Variants in ME3 observed in about 807,000 individuals in gnomAD.
ME3 encodes NADP-dependent malic enzyme, mitochondrial.
In ME3, 48 loss-of-function variants were observed where a neutral mutation model predicts 68.9. The ratio of observed to expected loss-of-function variants is 0.70; its 90% confidence interval spans 0.55 to 0.89. ME3 has a LOEUF of 0.89. Ranked by LOEUF, ME3 falls within the 40% of genes least tolerant of loss-of-function variation. ME3 has a pLI of 0.00. For synonymous variants in ME3, 320 were observed against 318.8 expected (o/e 1.00, Z -0.04); for missense variants, 675 against 797.4 (o/e 0.85, Z 1.85).
intron 4 of ME3, among the ~76,000 whole-genome samples, chr11:86,521,619 A>G (rs915408821): frequency 4.6e-5 from 7 of 152,158 alleles, no homozygotes; most frequent in African/African-American, 1.7e-4. Context: ...TCTCCAAGAG[A>G]CACAGAATTT....
intron 4 of ME3, among the ~76,000 whole-genome samples, chr11:86,525,314 T>C (rs1954651831): frequency 6.6e-6 from 1 of 151,986 alleles, no homozygotes; most frequent in Non-Finnish European, 1.5e-5. Context: ...TGAAGAAAAG[T>C]TTCTAACAGA....
chr11:86,538,301 T>C (rs1305419935), intron 4 of ME3, among the ~76,000 whole-genome samples: 1 of 152,208 alleles, frequency 6.6e-6, no homozygotes, highest in Non-Finnish European at 1.5e-5. Context: ...GCTTGTCATA[T>C]GGCCTTAGGC....
chr11:86,649,006 CA>C (rs1330975895), intron 2 of ME3, among the ~76,000 whole-genome samples: 2 of 143,154 alleles, frequency 1.4e-5, no homozygotes, highest in Non-Finnish European at 3.0e-5. Context: ...GTCAGAGACA[CA>C]ACAAAAAAAG....
chr11:86,560,744 GTGTGTATATATA>G (rs1420677446), intron 2 of ME3, among the ~76,000 whole-genome samples: 1 of 66,898 alleles, frequency 1.5e-5, no homozygotes, highest in African/African-American at 6.3e-5. Context: ...GTGTGTGTGT[GTGTGTATATATA>G]TATATATATA....
intron 8 of ME3, among the ~76,000 whole-genome samples, chr11:86,459,383 C>T (rs1283145392): frequency 2.0e-5 from 3 of 152,136 alleles, no homozygotes; most frequent in Non-Finnish European, 4.4e-5. Flanking sequence ...TCCTTCTTCC[C>T]TCCCGTATCT....
At chr11:86,508,760 A>G (rs554622853) in intron 5 of ME3, 32 bp downstream of exon 5, 1 of 1,568,696 alleles carries the variant, frequency 6.4e-7, no homozygotes, top group African/African-American at 1.4e-5. Context: ...TCACCCAACA[A>G]TGATTAAATA....
At chr11:86,475,538 G>A (rs189113671) in intron 7 of ME3, among the ~76,000 whole-genome samples, 1 of 152,182 alleles carries the variant, frequency 6.6e-6, no homozygotes, top group Non-Finnish European at 1.5e-5. Context: ...TGGGGTACAG[G>A]GAAGGCACGT....
chr11:86,629,804 C>T (rs1169115590), intron 2 of ME3, among the ~76,000 whole-genome samples: 1 of 152,222 alleles, frequency 6.6e-6, no homozygotes, highest in African/African-American at 2.4e-5. Context: ...GGGCTTACTA[C>T]TACCCACCCG....
intron 4 of ME3, among the ~76,000 whole-genome samples, chr11:86,552,071 A>G (rs1458382): frequency 0.28 from 43,247 of 152,070 alleles, 6,527 homozygotes; most frequent in East Asian, 0.54. Context: ...GTGACTGAGT[A>G]GATGACAACT....
intron 7 of ME3, among the ~76,000 whole-genome samples, chr11:86,480,022 T>C (rs1337586109): frequency 6.6e-6 from 1 of 152,206 alleles, no homozygotes; most frequent in Non-Finnish European, 1.5e-5. Context: ...TTTCGCCATG[T>C]TGGCCAGGCT....
intron 2 of ME3, among the ~76,000 whole-genome samples, chr11:86,657,468 G>A: frequency 6.7e-6 from 1 of 149,672 alleles, no homozygotes; most frequent in Non-Finnish European, 1.5e-5. Context: ...GGGCCTGTAG[G>A]AGGGGGTGTG....
intron 2 of ME3, among the ~76,000 whole-genome samples, chr11:86,624,909 T>C (rs761645871): frequency 1.1e-4 from 17 of 152,076 alleles, no homozygotes; most frequent in Non-Finnish European, 2.4e-4. Context: ...AGAGAAAATG[T>C]AGCATGTGGA....
At position 86,474,050 on chromosome 11, in the gene ME3, G is replaced by A. The variant is rs116703920; in HGVS notation, c.810-8850C>T. Among the ~76,000 whole-genome samples, 923 of 152,286 alleles carry A rather than the reference G, an allele frequency of 6.1e-3. 8 individuals carry two copies. Among genetic ancestry groups the A allele is most frequent in the African/African-American group, 0.021 (885 of 41,558 alleles). ...CACTGGAGGTGAGTCCATGGTCACC[G>A]GAGCTCCACTTGGCACGGAAGTCGT... On this transcript the variant is annotated intron_variant, in intron 7 of 14. Coordinates refer to ENST00000543262, the Ensembl canonical transcript of ME3.
chr11:86,589,198 A>T (rs1958911711), intron 2 of ME3, among the ~76,000 whole-genome samples: 1 of 152,080 alleles, frequency 6.6e-6, no homozygotes, highest in Non-Finnish European at 1.5e-5. Flanking sequence ...GAGCTCTAAA[A>T]ATATTTGTCA....
intron 4 of ME3, among the ~76,000 whole-genome samples, chr11:86,555,477 G>A (rs985032213): frequency 2.0e-5 from 3 of 152,186 alleles, no homozygotes. Context: ...CTGTTATGGA[G>A]CCCTGGCATA....
At chr11:86,540,414 G>A (rs1955966579) in intron 4 of ME3, among the ~76,000 whole-genome samples, 1 of 152,106 alleles carries the variant, frequency 6.6e-6, no homozygotes, top group Admixed American at 6.6e-5. Flanking sequence ...AAGGCTCTGG[G>A]TCTCTTCTTT....
intron 2 of ME3, among the ~76,000 whole-genome samples, chr11:86,662,307 C>T (rs757108161): frequency 8.5e-5 from 13 of 152,186 alleles, no homozygotes; most frequent in Non-Finnish European, 1.8e-4. Context: ...CCTTATGCCT[C>T]GGTTTTCTCA....
At chr11:86,499,235 G>T (rs1345169582) in intron 5 of ME3, among the ~76,000 whole-genome samples, 1 of 152,126 alleles carries the variant, frequency 6.6e-6, no homozygotes, top group African/African-American at 2.4e-5. Flanking sequence ...GCGAGGAGAT[G>T]TAGGTTGCAG....
intron 2 of ME3, among the ~76,000 whole-genome samples, chr11:86,655,935 C>A (rs1286743047): frequency 2.0e-5 from 3 of 151,762 alleles, no homozygotes; most frequent in Non-Finnish European, 4.4e-5. Flanking sequence ...AAAAGTGGGC[C>A]AAGGACATGA....
Sources: gnomAD v4.1 joint callset for allele counts (sites outside exome capture counted in the v4.1 genomes callset) on GRCh38, gnomAD v4.1.1 for gene constraint, MANE v1.5 for transcripts, NCBI Gene and HGNC (gene_info 2026-07-23, HGNC 2026-07-21) for gene names.